Variants in CPQ observed in about 807,000 individuals in gnomAD.
The protein encoded by CPQ is carboxypeptidase Q, also known as Ser-Met dipeptidase.
Under a neutral mutation model 45.7 loss-of-function variants are expected in CPQ, and 37 were observed. That is an observed-to-expected ratio of 0.81 (90% CI 0.62 to 1.07). The LOEUF (loss-of-function observed/expected upper bound fraction) is 1.07, where lower values mean the gene tolerates loss of function less well. Among genes scored for constraint, CPQ ranks in the 50% least tolerant of loss-of-function variants. The pLI is 0.00. For missense variants in CPQ, 537 were observed against 572.9 expected (o/e 0.94, Z 0.64); for synonymous variants, 186 against 205.8 (o/e 0.90, Z 0.82).
chr8:97,096,842 A>G (rs2513361), intron 7 of CPQ, among the ~76,000 whole-genome samples: 104,860 of 152,154 alleles, frequency 0.69, 36,407 homozygotes, highest in African/African-American at 0.74. Flanking sequence ...TCACAAAAGC[A>G]AGGCCCAGGA....
At chr8:96,771,220 A>G (rs1411289733) in intron 1 of CPQ, among the ~76,000 whole-genome samples, 1 of 151,146 alleles carries the variant, frequency 6.6e-6, no homozygotes, top group African/African-American at 2.4e-5. Flanking sequence ...TCTTTTTTAA[A>G]TAATAACTAT....
At chr8:96,780,950 G>A (rs749285981) in intron 1 of CPQ, among the ~76,000 whole-genome samples, 4 of 151,954 alleles carry the variant, frequency 2.6e-5, no homozygotes, top group Non-Finnish European at 4.4e-5. Context: ...CTCTAGAGGG[G>A]GAGGAGGTTA....
intron 3 of CPQ, among the ~76,000 whole-genome samples, chr8:96,871,531 GTTTTT>G (rs529360931): frequency 1.9e-5 from 2 of 106,994 alleles, no homozygotes; most frequent in African/African-American, 3.5e-5. Flanking sequence ...TTGCTTCCAG[GTTTTT>G]TTTTTTTTTT....
chr8:96,848,646 T>C (rs1811730961), intron 3 of CPQ, among the ~76,000 whole-genome samples: 1 of 152,222 alleles, frequency 6.6e-6, no homozygotes. Flanking sequence ...TTATTTCAGC[T>C]TTATAGCTTT....
chr8:97,098,054 T>C (rs1239887254), intron 7 of CPQ, among the ~76,000 whole-genome samples: 5 of 152,228 alleles, frequency 3.3e-5, no homozygotes, highest in Admixed American at 3.3e-4. Context: ...CACTCATTTC[T>C]AGTATTTTGA....
intron 6 of CPQ, among the ~76,000 whole-genome samples, chr8:97,042,441 T>C (rs1231704698): frequency 6.6e-6 from 1 of 152,212 alleles, no homozygotes; most frequent in East Asian, 1.9e-4. Flanking sequence ...AACCAGCTCC[T>C]GGATTCATTA....
intron 6 of CPQ, among the ~76,000 whole-genome samples, chr8:97,035,487 G>A (rs1809985503): frequency 6.6e-6 from 1 of 152,150 alleles, no homozygotes; most frequent in Non-Finnish European, 1.5e-5. Flanking sequence ...CCAACAACAT[G>A]TGGGAGTCCT....
intron 1 of CPQ, among the ~76,000 whole-genome samples, chr8:96,758,448 A>C (rs1344085039): frequency 2.0e-5 from 3 of 152,210 alleles, no homozygotes; most frequent in Non-Finnish European, 4.4e-5. Flanking sequence ...ACACCTGCCA[A>C]CCTATTACTG....
At chr8:96,743,539 G>A (rs1586383063) in intron 1 of CPQ, among the ~76,000 whole-genome samples, 1 of 152,108 alleles carries the variant, frequency 6.6e-6, no homozygotes, top group East Asian at 1.9e-4. Flanking sequence ...TCCTTTGGAG[G>A]AGGAGAGGCA....
At chr8:96,964,806 G>GCCTT (rs1259284275) in intron 4 of CPQ, among the ~76,000 whole-genome samples, 1 of 151,956 alleles carries the variant, frequency 6.6e-6, no homozygotes, top group African/African-American at 2.4e-5. Flanking sequence ...GTTATTCTAT[G>GCCTT]CCTTCCTCTA....
intron 4 of CPQ, among the ~76,000 whole-genome samples, chr8:96,891,745 C>A (rs1812379832): frequency 6.6e-6 from 1 of 152,104 alleles, no homozygotes. Context: ...TCAAATTGCC[C>A]TCATAGCACC....
chr8:97,093,313 G>C (rs1586537735), intron 7 of CPQ, among the ~76,000 whole-genome samples: 1 of 152,136 alleles, frequency 6.6e-6, no homozygotes, highest in African/African-American at 2.4e-5. Flanking sequence ...AGCAAATGCT[G>C]TGTGTATACT....
intron 4 of CPQ, among the ~76,000 whole-genome samples, chr8:96,934,554 A>G (rs1049453984): frequency 7.2e-5 from 11 of 152,196 alleles, no homozygotes; most frequent in Admixed American, 1.3e-4. Flanking sequence ...TTTGATAGTC[A>G]GGACTGGTTC....
At chr8:96,955,413 T>C (rs1813341162) in intron 4 of CPQ, among the ~76,000 whole-genome samples, 1 of 152,204 alleles carries the variant, frequency 6.6e-6, no homozygotes, top group East Asian at 1.9e-4. Flanking sequence ...GAAGTGTCTG[T>C]TCATATCCTT....
At chr8:96,656,424 T>G (rs1815638391) in intron 1 of CPQ, among the ~76,000 whole-genome samples, 1 of 152,168 alleles carries the variant, frequency 6.6e-6, no homozygotes, top group Non-Finnish European at 1.5e-5. Context: ...GTGGTACTAC[T>G]TTTTTGGTTC....
chr8:96,902,263 T>A lies in CPQ; in HGVS notation c.849+22258T>A, dbSNP rs574839691. ...TTATATATGTAAGTCGTAATTTAAT[T>A]CTCACAGAAATATTGTGAAGAATGT... On this transcript the variant is annotated intron_variant, in intron 4 of 7. Transcript: ENST00000220763. Among the ~76,000 whole-genome samples, 264 of 152,298 alleles carry A rather than the reference T, an allele frequency of 1.7e-3. 1 individual carries two copies. The highest frequency in any genetic ancestry group is 3.0e-3 in the Non-Finnish European group (204 of 68,020).
intron 2 of CPQ, among the ~76,000 whole-genome samples, chr8:96,814,311 A>G (rs1427387757): frequency 1.3e-5 from 2 of 152,144 alleles, no homozygotes; most frequent in Non-Finnish European, 2.9e-5. Flanking sequence ...CGTGAAGGCA[A>G]GTAACTGCCT....
At chr8:96,658,675 A>C (rs2130709957) in intron 1 of CPQ, among the ~76,000 whole-genome samples, 1 of 152,354 alleles carries the variant, frequency 6.6e-6, no homozygotes, top group South Asian at 2.1e-4. Context: ...AAAGTGGAAG[A>C]GTGAAGCAGA....
intron 1 of CPQ, among the ~76,000 whole-genome samples, chr8:96,701,946 G>A (rs932086882): frequency 1.3e-5 from 2 of 152,214 alleles, no homozygotes; most frequent in South Asian, 2.1e-4. Context: ...GGAGATGCCT[G>A]TGGGAGGTTT....
Sources: allele counts gnomAD v4.1 joint callset (sites outside exome capture counted in the v4.1 genomes callset), GRCh38; gene constraint gnomAD v4.1.1; transcripts MANE v1.5; gene names NCBI Gene and HGNC (gene_info 2026-07-23, HGNC 2026-07-21).